The following IBTK variants were observed in gnomAD, a reference collection of about 807,000 sequenced individuals.
IBTK encodes the protein inhibitor of Bruton tyrosine kinase.
In IBTK, 83 loss-of-function variants were observed where a neutral mutation model predicts 154.9. That is an observed-to-expected ratio of 0.54 (90% CI 0.45 to 0.64). The LOEUF (loss-of-function observed/expected upper bound fraction) is 0.64. Among genes scored for constraint, IBTK ranks in the 30% least tolerant of loss-of-function variants. IBTK has a pLI of 0.00. For missense variants in IBTK, 1,332 were observed against 1,584.6 expected (o/e 0.84, Z 2.71); for synonymous variants, 515 against 536.1 (o/e 0.96, Z 0.54).
Position 82,214,231 on chromosome 6 carries a change from TACTCAA to T in IBTK, c.2194_2199del (p.Leu732_Ser733del). ...GATATAAAAGAGAAATCATACCTAC[TACTCAA>T]ATTACTGAAGTCGAATTTCTTTGCA... On this transcript the variant is annotated inframe_deletion, in exon 12 of 29. Transcript: ENST00000306270. 6.2e-7 allele frequency: 1 copy of T among 1,608,292 alleles called. No homozygotes were observed. Among genetic ancestry groups the T allele is most frequent in the Non-Finnish European group, 8.5e-7 (1 of 1,178,028 alleles).
chr6:82,233,189 T>C (rs1486027277), intron 3 of IBTK, among the ~76,000 whole-genome samples: 3 of 148,200 alleles, frequency 2.0e-5, no homozygotes, highest in Non-Finnish European at 3.0e-5. Context: ...TAATTGGGCA[T>C]GGTGGCATGG....
chr6:82,205,277 A>G (rs1769358346), intron 16 of IBTK: 1 of 176,602 alleles, frequency 5.7e-6, no homozygotes, highest in South Asian at 1.9e-4. Flanking sequence ...GCCCACTAGA[A>G]TGCCTGACTT....
At chr6:82,179,296 T>C (rs1768228202) in intron 26 of IBTK, among the ~76,000 whole-genome samples, 1 of 152,242 alleles carries the variant, frequency 6.6e-6, no homozygotes, top group Non-Finnish European at 1.5e-5. Context: ...GGCTGTTCTA[T>C]GTTTTGTCTA....
chr6:82,217,349 A>G (rs1769910092), intron 10 of IBTK, among the ~76,000 whole-genome samples: 1 of 152,096 alleles, frequency 6.6e-6, no homozygotes, highest in Non-Finnish European at 1.5e-5. Flanking sequence ...AGTCATTCCA[A>G]TTTCTATGCT....
At chr6:82,173,561 G>T in intron 26 of IBTK, 123 bp from the exon 27 acceptor site, 2 of 614,612 alleles carry the variant, frequency 3.3e-6, no homozygotes, top group Admixed American at 2.9e-5. Flanking sequence ...AATGAGTGCA[G>T]TCAAGCTTAC....
At chr6:82,212,562 C>T in intron 13 of IBTK, 145 bp downstream of exon 13, 2 of 639,586 alleles carry the variant, frequency 3.1e-6, no homozygotes, top group Admixed American at 2.9e-5. Flanking sequence ...AGCTCCCCAA[C>T]ATTTCCAGAA....
chr6:82,189,254 T>C (rs1431112944), intron 25 of IBTK, among the ~76,000 whole-genome samples: 1 of 151,588 alleles, frequency 6.6e-6, no homozygotes, highest in African/African-American at 2.4e-5. Context: ...CTGTAAAATT[T>C]CAGAACATTA....
At chr6:82,214,197 A>G (rs764142653) in intron 12 of IBTK, 30 bp downstream of exon 12, 2 of 1,575,906 alleles carry the variant, frequency 1.3e-6, no homozygotes, top group South Asian at 2.4e-5. Context: ...TGAATGAGGT[A>G]CAGGAACAGA....
intron 22 of IBTK, among the ~76,000 whole-genome samples, 174 bp from the exon 23 acceptor site, chr6:82,194,816 C>G (rs1394199014): frequency 6.6e-6 from 1 of 152,052 alleles, no homozygotes; most frequent in Admixed American, 6.5e-5. Flanking sequence ...TTAGCCAACT[C>G]TCAAATCACA....
intron 16 of IBTK, among the ~76,000 whole-genome samples, chr6:82,208,411 C>T (rs560202694): frequency 3.0e-4 from 45 of 152,098 alleles, no homozygotes; most frequent in African/African-American, 1.1e-3. Flanking sequence ...GATTTGACAA[C>T]GAATTCCTAG....
chr6:82,214,220 A>G lies in IBTK; in HGVS notation c.2204+7T>C, dbSNP rs1769772765. On this transcript the variant is annotated splice_region_variant and intron_variant, in intron 12 of 28. Coordinates refer to ENST00000306270, the MANE Select transcript of IBTK (RefSeq NM_015525.4). ...GTACAGGAACAGATATAAAAGAGAAATCATACCTACTACTCAAATTACTGA... is the reference window on the plus strand; with the variant it reads ...GTACAGGAACAGATATAAAAGAGAAGTCATACCTACTACTCAAATTACTGA... 5 of 1,601,722 alleles carry G rather than the reference A, an allele frequency of 3.1e-6. No homozygotes were observed.
intron 26 of IBTK, among the ~76,000 whole-genome samples, chr6:82,179,600 A>C (rs1375509078): frequency 6.6e-6 from 1 of 152,240 alleles, no homozygotes; most frequent in African/African-American, 2.4e-5. Context: ...TCACATAAAA[A>C]GTGGATGGTG....
rs761748455 is a variant in IBTK at position 82,170,566 on chromosome 6, TGTAAAG to T, written c.*853_*858del. The T allele has an allele frequency of 7.2e-5, 11 of 152,204 alleles. No homozygotes were observed. Among genetic ancestry groups the T allele is most frequent in the Non-Finnish European group, 1.6e-4 (11 of 68,032 alleles). The allele number at this position is 152,204 out of a possible 1,614,324, so 9.4% of individuals were successfully genotyped here. On this transcript the variant is annotated 3_prime_UTR_variant, in exon 29 of 29. Coordinates refer to ENST00000306270, the MANE Select transcript of IBTK (RefSeq NM_015525.4). ...CAGAGAACTTCTGATTATACAGTAT[TGTAAAG>T]GTAATGATAATCCAACCCTCTTCCA... is the stretch of plus-strand genomic sequence containing the variant.
intron 22 of IBTK, among the ~76,000 whole-genome samples, chr6:82,195,934 C>T (rs1032047127): frequency 3.3e-5 from 5 of 152,148 alleles, no homozygotes; most frequent in African/African-American, 7.2e-5. Flanking sequence ...GGCTTATTTT[C>T]GAAATCATTT....
intron 14 of IBTK, 42 bp downstream of exon 14, chr6:82,211,448 T>C: frequency 1.9e-6 from 3 of 1,603,276 alleles, no homozygotes; most frequent in Non-Finnish European, 2.6e-6. Flanking sequence ...AGTGAAACAA[T>C]ACTACAGCAA....
chr6:82,190,008 T>C (rs1382594066), intron 25 of IBTK, among the ~76,000 whole-genome samples: 3 of 152,192 alleles, frequency 2.0e-5, no homozygotes, highest in Non-Finnish European at 4.4e-5. Flanking sequence ...CACAGTCCCT[T>C]ACATTTAGAA....
chr6:82,180,932 G>A (rs918580979), intron 26 of IBTK, among the ~76,000 whole-genome samples: 1 of 151,902 alleles, frequency 6.6e-6, no homozygotes, highest in Admixed American at 6.6e-5. Context: ...GTTTTGTTTT[G>A]TCTGAGACCA....
intron 2 of IBTK, among the ~76,000 whole-genome samples, chr6:82,238,068 A>AC (rs1406795473): frequency 2.6e-5 from 4 of 152,014 alleles, no homozygotes; most frequent in African/African-American, 9.6e-5. Flanking sequence ...ACATGGGGAA[A>AC]CCCCGTCTCT....
intron 27 of IBTK, chr6:82,172,773 G>A (rs1343500300): frequency 9.0e-5 from 31 of 346,088 alleles, no homozygotes; most frequent in Admixed American, 7.2e-4. Flanking sequence ...GGAAGCTTTC[G>A]CAGAGATTAC....
Sources: allele counts gnomAD v4.1 joint callset (sites outside exome capture counted in the v4.1 genomes callset), GRCh38; gene constraint gnomAD v4.1.1; transcripts MANE v1.5; gene names NCBI Gene and HGNC (gene_info 2026-07-23, HGNC 2026-07-21).